Variants in MTMR2 observed in about 807,000 individuals in gnomAD.
MTMR2 encodes myotubularin related protein 2.
A neutral mutation model predicts 86.9 loss-of-function variants in MTMR2; 55 were observed. The ratio of observed to expected loss-of-function variants is 0.63; its 90% CI spans 0.51 to 0.79. The LOEUF is 0.79. MTMR2 is among the 30% of genes least tolerant of loss of function. The probability of loss-of-function intolerance (pLI) is 0.00; values close to 1 mark genes in which losing one functional copy is unlikely to be tolerated. For synonymous variants in MTMR2, 241 were observed against 266.8 expected (o/e 0.90, Z 0.94); for missense variants, 659 against 772.3 (o/e 0.85, Z 1.74).
chr11:95,876,859 CA>C (rs1036948473), intron 2 of MTMR2, among the ~76,000 whole-genome samples: 1 of 152,034 alleles, frequency 6.6e-6, no homozygotes, highest in Non-Finnish European at 1.5e-5. Flanking sequence ...CACACAAACA[CA>C]AAAATGCACT....
intron 1 of MTMR2, among the ~76,000 whole-genome samples, chr11:95,910,673 TTC>T (rs1488631983): frequency 1.3e-5 from 2 of 152,114 alleles, no homozygotes; most frequent in East Asian, 3.9e-4. Flanking sequence ...AAAGAAAAGG[TTC>T]TTTTTAAAAA....
At position 95,841,720 on chromosome 11, in the gene MTMR2, AAG is replaced by A; in HGVS notation, c.1387-13_1387-12del. ...TCCATGGCCAACTCTCTGAAGCAAA[AAG>A]AGTGAAATATATGAACTTAGGGGGA... On this transcript the variant is annotated splice_polypyrimidine_tract_variant and intron_variant, in intron 11 of 14. Transcript: ENST00000346299. The A allele has an allele frequency of 3.8e-6, 6 of 1,568,424 alleles. No homozygotes were observed. Among genetic ancestry groups the A allele is most frequent in the Non-Finnish European group, 4.4e-6 (5 of 1,141,438 alleles).
intron 9 of MTMR2, among the ~76,000 whole-genome samples, chr11:95,848,506 T>A (rs1163435911): frequency 1.3e-5 from 2 of 152,158 alleles, no homozygotes; most frequent in Admixed American, 6.6e-5. Context: ...CAAAATAGAA[T>A]GAGAAAATAT....
chr11:95,858,509 C>T (rs1338253726), intron 6 of MTMR2, 22 bp downstream of exon 6: 1 of 1,499,808 alleles, frequency 6.7e-7, no homozygotes, highest in Non-Finnish European at 9.3e-7. Context: ...CACAAATTTT[C>T]CAAAGACAGG....
In MTMR2 at chr11:95,857,664, TAAAA is replaced by T. The variant is rs768890668; in HGVS notation, c.571-33_571-30del. 9.2e-6 allele frequency: 13 copies of T among 1,410,292 alleles called. No individual in the cohort carries two copies. In the African/African-American group the frequency reaches 1.8e-4, roughly 20 times the overall value. The allele number at this position is 1,410,292 out of a possible 1,614,324, so 87.4% of individuals were successfully genotyped here. ...CAAAAAAGTAAACAATGGTAAGAGC[TAAAA>T]AAGATATTCACAAAGGTAATGAATC... is the stretch of plus-strand genomic sequence containing the variant. On this transcript the variant is annotated intron_variant, in intron 6 of 14. Coordinates refer to ENST00000346299, the MANE Select transcript of MTMR2 (RefSeq NM_016156.6).
intron 10 of MTMR2, among the ~76,000 whole-genome samples, chr11:95,847,266 G>C (rs967973202): frequency 6.6e-6 from 1 of 151,948 alleles, no homozygotes; most frequent in Non-Finnish European, 1.5e-5. Flanking sequence ...GCTCCTGAGA[G>C]GACAAAAAAA....
At chr11:95,909,505 A>G (rs1866418978) in intron 1 of MTMR2, among the ~76,000 whole-genome samples, 1 of 152,150 alleles carries the variant, frequency 6.6e-6, no homozygotes, top group South Asian at 2.1e-4. Flanking sequence ...TCACATCCAA[A>G]TATTCCACAC....
chr11:95,862,417 C>G (rs1004033490), intron 3 of MTMR2, 51 bp from the exon 4 acceptor site: 4 of 1,303,158 alleles, frequency 3.1e-6, no homozygotes, highest in African/African-American at 2.9e-5. Context: ...GCTATTAAAA[C>G]CTGCTATCTC....
chr11:95,910,004 T>C (rs1866434247), intron 1 of MTMR2, among the ~76,000 whole-genome samples: 1 of 152,046 alleles, frequency 6.6e-6, no homozygotes, highest in Non-Finnish European at 1.5e-5. Flanking sequence ...CTAGGAAAAT[T>C]GAATATACAT....
At chr11:95,853,709 A>G (rs1350878434) in intron 7 of MTMR2, among the ~76,000 whole-genome samples, 1 of 151,694 alleles carries the variant, frequency 6.6e-6, no homozygotes, top group Non-Finnish European at 1.5e-5. Flanking sequence ...CTGAACACAA[A>G]CTCTTTGGGA....
At chr11:95,875,507 T>G (rs1865074500) in intron 2 of MTMR2, among the ~76,000 whole-genome samples, 1 of 152,228 alleles carries the variant, frequency 6.6e-6, no homozygotes, top group Non-Finnish European at 1.5e-5. Flanking sequence ...CTAATTTTTT[T>G]TTCAAGGTTT....
In MTMR2 at chr11:95,847,850, A is replaced by G. The variant is rs763372169; in HGVS notation, c.1043T>C (p.Leu348Pro). 6.2e-7 allele frequency: 1 copy of G among 1,613,862 alleles called. No homozygotes were observed. The highest frequency in any genetic ancestry group is 1.1e-5 in the South Asian group (1 of 91,070). The change falls in exon 10 of 15, where the codon CTA becomes CCA. Residue 348 changes from leucine (L) to proline (P), a missense_variant. By Grantham distance (98) the Leu-to-Pro change is moderately conservative (BLOSUM62 -3). Transcript: ENST00000346299. Reference sequence around the variant, plus strand: ...AATATTGTGGATATCCAGGAAAACTAGTTCAGCATTTTGATAGGCATCTTC... The same window carrying G: ...AATATTGTGGATATCCAGGAAAACTGGTTCAGCATTTTGATAGGCATCTTC... ...ESEDAYQNAE[L>P]VFLDIHNIHV... is the part of the protein sequence containing the mutation.
intron 13 of MTMR2, among the ~76,000 whole-genome samples, chr11:95,837,046 G>C (rs2135404402): frequency 1.3e-5 from 2 of 151,888 alleles, no homozygotes; most frequent in Non-Finnish European, 2.9e-5. Flanking sequence ...CCTACCCCAA[G>C]GCTCTCAAAA....
intron 5 of MTMR2, 108 bp downstream of exon 5, chr11:95,861,884 T>G (rs1204359168): frequency 1.2e-6 from 1 of 865,828 alleles, no homozygotes; most frequent in African/African-American, 1.7e-5. Context: ...ATAACATTTC[T>G]AATTGGAAAT....
chr11:95,880,297 T>TGCAAAATC (rs1365191538), intron 2 of MTMR2, among the ~76,000 whole-genome samples: 1 of 152,088 alleles, frequency 6.6e-6, no homozygotes, highest in Admixed American at 6.5e-5. Flanking sequence ...AATCAATATA[T>TGCAAAATC]AGTATGTTTT....
chr11:95,835,055 T>TATTCTTTGGATACTTAA lies in MTMR2; in HGVS notation c.*218_*234dup, dbSNP rs1227575818. On this transcript the variant is annotated 3_prime_UTR_variant, in exon 15 of 15. Coordinates refer to ENST00000346299, the MANE Select transcript of MTMR2 (RefSeq NM_016156.6). ...TGAATCCAGGATTGAAGTATTTTAA[T>TATTCTTTGGATACTTAA]ATTCTTTGGATACTTAAAAGATTAG... is the stretch of plus-strand genomic sequence containing the variant. 1.9e-6 allele frequency: 1 copy of TATTCTTTGGATACTTAA among 518,610 alleles called. No homozygotes were observed. The highest frequency in any genetic ancestry group is 3.5e-6 in the Non-Finnish European group (1 of 287,198). The allele number at this position is 518,610 out of a possible 1,614,324, so 32.1% of individuals were successfully genotyped here.
chr11:95,921,949 G>A (rs1442143256), intron 1 of MTMR2, among the ~76,000 whole-genome samples: 1 of 152,100 alleles, frequency 6.6e-6, no homozygotes, highest in Non-Finnish European at 1.5e-5. Context: ...ATATGTTCAA[G>A]TGGCACCGTT....
intron 2 of MTMR2, among the ~76,000 whole-genome samples, chr11:95,883,468 T>A (rs1359137487): frequency 6.6e-6 from 1 of 152,202 alleles, no homozygotes; most frequent in Non-Finnish European, 1.5e-5. Flanking sequence ...AAAACTGAGA[T>A]TAAATAAGTT....
At chr11:95,920,024 G>C (rs1192700296) in intron 1 of MTMR2, among the ~76,000 whole-genome samples, 1 of 152,120 alleles carries the variant, frequency 6.6e-6, no homozygotes, top group Admixed American at 6.5e-5. Flanking sequence ...ACAGTTCTGA[G>C]ACTCAAGCCT....
Sources: gnomAD v4.1 joint callset for allele counts (sites outside exome capture counted in the v4.1 genomes callset) on GRCh38, gnomAD v4.1.1 for gene constraint, MANE v1.5 for transcripts, NCBI Gene and HGNC (gene_info 2026-07-23, HGNC 2026-07-21) for gene names.